Variants in TSHZ3 observed in about 807,000 individuals in gnomAD.
The protein encoded by TSHZ3 is teashirt homolog 3.
TSHZ3 carries 10 observed loss-of-function variants against 64.5 expected under a neutral mutation model. The ratio of observed to expected loss-of-function variants is 0.16; its 90% CI spans 0.10 to 0.26. The LOEUF (loss-of-function observed/expected upper bound fraction) is 0.26, where lower values mean the gene tolerates loss of function less well. Ranked by LOEUF, TSHZ3 falls within the 10% of genes least tolerant of loss-of-function variation. The pLI is 1.00. For synonymous variants in TSHZ3, 608 were observed against 593.1 expected (o/e 1.03, Z -0.36); for missense variants, 1,242 against 1,421.7 (o/e 0.87, Z 2.03).
intron 1 of TSHZ3, among the ~76,000 whole-genome samples, chr19:31,347,147 T>C (rs1003399496): frequency 6.6e-6 from 1 of 150,638 alleles, no homozygotes; most frequent in South Asian, 2.1e-4. Flanking sequence ...TTTTATATAA[T>C]GAATTTTTCT....
At chr19:31,199,400 C>CAAAAAA (rs61428496) in intron 5 of TSHZ3, among the ~76,000 whole-genome samples, 73 of 98,544 alleles carry the variant, frequency 7.4e-4, no homozygotes, top group African/African-American at 1.6e-3. Flanking sequence ...GAGACTCCGC[C>CAAAAAA]AAAAAAAAAA....
At chr19:31,188,685 A>G (rs919942150) in intron 5 of TSHZ3, among the ~76,000 whole-genome samples, 1 of 151,828 alleles carries the variant, frequency 6.6e-6, no homozygotes, top group Non-Finnish European at 1.5e-5. Context: ...TGTATTATCC[A>G]TTTTTATGTA....
intron 1 of TSHZ3, among the ~76,000 whole-genome samples, chr19:31,283,760 G>T (rs10425374): frequency 0.17 from 25,277 of 152,274 alleles, 3,003 homozygotes; most frequent in African/African-American, 0.33. Flanking sequence ...AAGTGGAGTA[G>T]TTCCTCTGTG....
At chr19:31,321,348 T>A (rs1475204515) in intron 1 of TSHZ3, among the ~76,000 whole-genome samples, 1 of 152,224 alleles carries the variant, frequency 6.6e-6, no homozygotes, top group Non-Finnish European at 1.5e-5. Flanking sequence ...GAGCTCTACC[T>A]TCCAACTTCA....
At chr19:31,250,935 T>C (rs1975831866) in intron 1 of TSHZ3, among the ~76,000 whole-genome samples, 1 of 152,070 alleles carries the variant, frequency 6.6e-6, no homozygotes, top group African/African-American at 2.4e-5. Flanking sequence ...GTACCTGTGG[T>C]CAGGTTTGGT....
At chr19:31,326,698 C>A (rs1916939527) in intron 1 of TSHZ3, among the ~76,000 whole-genome samples, 1 of 152,200 alleles carries the variant, frequency 6.6e-6, no homozygotes, top group Non-Finnish European at 1.5e-5. Flanking sequence ...TAAGCAGCTG[C>A]AAAAGACAGC....
intron 1 of TSHZ3, among the ~76,000 whole-genome samples, chr19:31,286,898 A>G (rs73551337): frequency 0.053 from 8,048 of 152,282 alleles, 752 homozygotes; most frequent in African/African-American, 0.19. Flanking sequence ...CACCGTGGCC[A>G]TCAAGGGTCT....
chr19:31,201,672 G>A (rs796416566), intron 5 of TSHZ3, among the ~76,000 whole-genome samples: 1 of 152,172 alleles, frequency 6.6e-6, no homozygotes, highest in Non-Finnish European at 1.5e-5. Flanking sequence ...ACGAGTGGCC[G>A]CCACTGTATT....
At chr19:31,216,413 G>A (rs1204777443) in intron 4 of TSHZ3, among the ~76,000 whole-genome samples, 1 of 151,662 alleles carries the variant, frequency 6.6e-6, no homozygotes, top group Non-Finnish European at 1.5e-5. Flanking sequence ...AGAGGGATGA[G>A]AGTCACCTGA....
intron 5 of TSHZ3, among the ~76,000 whole-genome samples, chr19:31,174,347 G>A (rs1250901479): frequency 2.0e-5 from 3 of 152,172 alleles, no homozygotes; most frequent in African/African-American, 7.2e-5. Context: ...GGAGCTACCT[G>A]TTCCTCCTAG....
chr19:31,219,563 C>T (rs1975373675), intron 4 of TSHZ3, among the ~76,000 whole-genome samples: 1 of 152,082 alleles, frequency 6.6e-6, no homozygotes, highest in Non-Finnish European at 1.5e-5. Context: ...ACAATAGCCA[C>T]TAAAGATGTA....
intron 4 of TSHZ3, among the ~76,000 whole-genome samples, chr19:31,206,090 T>C (rs1975165367): frequency 6.8e-6 from 1 of 146,172 alleles, no homozygotes; most frequent in Non-Finnish European, 1.5e-5. Context: ...GATGGATGGA[T>C]GGATGGATGG....
chr19:31,253,546 G>T (rs1975869556), intron 1 of TSHZ3, among the ~76,000 whole-genome samples: 1 of 152,088 alleles, frequency 6.6e-6, no homozygotes, highest in African/African-American at 2.4e-5. Flanking sequence ...AATCTTTGTA[G>T]AGATGAAGTC....
chr19:31,272,860 C>T (rs781662525), downstream of TSHZ3, among the ~76,000 whole-genome samples: 10 of 152,168 alleles, frequency 6.6e-5, no homozygotes, highest in Admixed American at 3.3e-4. Flanking sequence ...GGGTCACCCG[C>T]GCACCTGTGA....
At chr19:31,274,251 T>C (rs1375119090), downstream of TSHZ3, among the ~76,000 whole-genome samples, 2 of 152,134 alleles carry the variant, frequency 1.3e-5, no homozygotes, top group Non-Finnish European at 2.9e-5. Flanking sequence ...AGTTTGAATA[T>C]AGTAATAAAG....
At chr19:31,343,951 T>C (rs1409126273) in intron 1 of TSHZ3, among the ~76,000 whole-genome samples, 1 of 152,214 alleles carries the variant, frequency 6.6e-6, no homozygotes, top group Non-Finnish European at 1.5e-5. Context: ...ATCGGGACAC[T>C]TTATCAACCT....
At chr19:31,298,628 C>G (rs1233332787) in intron 1 of TSHZ3, among the ~76,000 whole-genome samples, 1 of 152,116 alleles carries the variant, frequency 6.6e-6, no homozygotes, top group African/African-American at 2.4e-5. Context: ...CCTTGCACTC[C>G]TGGGGGTACC....
chr19:31,323,740 C>G, intron 1 of TSHZ3, among the ~76,000 whole-genome samples: 1 of 152,062 alleles, frequency 6.6e-6, no homozygotes, highest in East Asian at 1.9e-4. Context: ...AGACCCACCA[C>G]AGTCTCCCAC....
intron 1 of TSHZ3, among the ~76,000 whole-genome samples, chr19:31,263,873 A>C (rs1976015027): frequency 6.6e-6 from 1 of 152,248 alleles, no homozygotes; most frequent in Non-Finnish European, 1.5e-5. Flanking sequence ...GTGAGGCACC[A>C]GAGCTCTAGT....
Sources: gnomAD v4.1 joint callset for allele counts (sites outside exome capture counted in the v4.1 genomes callset) on GRCh38, gnomAD v4.1.1 for gene constraint, MANE v1.5 for transcripts, NCBI Gene and HGNC (gene_info 2026-07-23, HGNC 2026-07-21) for gene names.